The following CTU2 variants were observed in gnomAD, a reference collection of about 807,000 sequenced individuals.
CTU2 encodes cytoplasmic tRNA 2-thiolation protein 2.
A neutral mutation model predicts 64.1 loss-of-function variants in CTU2; 80 were observed. The observed-to-expected ratio is 1.25, with a 90% CI of 1.04 to 1.50. CTU2 has a LOEUF of 1.50. CTU2 is among the 40% of genes most tolerant of loss of function. The pLI is 0.00. For missense variants in CTU2, 1,110 were observed against 690.2 expected (o/e 1.61, Z -6.81); for synonymous variants, 482 against 285.3 (o/e 1.69, Z -6.95).
chr16:88,709,135 C>T (rs1239906812), intron 2 of CTU2: 3 of 152,340 alleles, frequency 2.0e-5, no homozygotes, highest in Non-Finnish European at 2.9e-5. Context: ...ATTAGCTAGG[C>T]ATGGTGGCAT....
chr16:88,710,671 G>A (rs868392656), intron 4 of CTU2: 4 of 225,732 alleles, frequency 1.8e-5, no homozygotes, highest in East Asian at 1.2e-4. Context: ...TCCAGAGTGC[G>A]TGTGTGCGGC....
Position 88,712,365 on chromosome 16 carries a change from T to G in CTU2, c.435T>G (p.His145Gln). The change falls in exon 6 of 15, where the codon CAT becomes CAG. Residue 145 changes from histidine (H) to glutamine (Q), a missense_variant. His to Gln is a conservative substitution (Grantham distance 24). Transcript: ENST00000453996. The stretch of plus-strand genomic sequence containing the variant: ...TGCAAGCAACTGGGTTCCCATGGCA[T>G]GTGGTGGCCTTAGAGGAGGTGGGAG... Reference protein sequence around the residue: ...PILQATGFPWHVVALEEVFSL... With the variant: ...PILQATGFPWQVVALEEVFSL... The G allele has an allele frequency of 2.5e-6, 4 of 1,608,886 alleles. No homozygotes were observed. The highest frequency in any genetic ancestry group is 1.7e-5 in the Admixed American group (1 of 59,378).
intron 1 of CTU2, chr16:88,706,825 C>T (rs1910885370): frequency 3.7e-6 from 2 of 533,468 alleles, no homozygotes; most frequent in Non-Finnish European, 6.7e-6. Context: ...GGCTCTGCCG[C>T]TGACAGTGCT....
chr16:88,714,112 AGCCTCCAATCTGATTGTCCCTAG>A lies in CTU2; in HGVS notation c.1006-20_1008del. Reference sequence around the variant, plus strand: ...GGGGCTGGCCTCTGGGCTTTCCCATAGCCTCCAATCTGATTGTCCCTAGGCCCCTGAAAAGGCCAGCATCCACC... The same window carrying A: ...GGGGCTGGCCTCTGGGCTTTCCCATAGCCCCTGAAAAGGCCAGCATCCACC... On this transcript the variant is annotated splice_acceptor_variant and splice_polypyrimidine_tract_variant and intron_variant, in intron 9 of 14. Coordinates refer to ENST00000453996, the MANE Select transcript of CTU2 (RefSeq NM_001012759.3). LOFTEE classifies it high-confidence loss of function. The A allele has an allele frequency of 1.2e-6, 2 of 1,608,948 alleles. No homozygotes were observed. Among genetic ancestry groups the A allele is most frequent in the Non-Finnish European group, 1.7e-6 (2 of 1,176,762 alleles).
rs535416172 is a variant in CTU2, at chr16:88,713,494, C to A, written c.873+47C>A. On this transcript the variant is annotated intron_variant, in intron 8 of 14. Coordinates refer to ENST00000453996, the MANE Select transcript of CTU2 (RefSeq NM_001012759.3). The stretch of plus-strand genomic sequence containing the variant: ...CAGGAGGCCCATCCTCACCTTCACC[C>A]CTTCGGCCACCTTTACTGGAGAGTA... The A allele has an allele frequency of 3.9e-6, 6 of 1,551,144 alleles. No homozygotes were observed. In the African/African-American group the frequency reaches 6.9e-5, roughly 18 times the overall value.
At chr16:88,710,727 C>A in intron 4 of CTU2, 1 of 173,298 alleles carries the variant, frequency 5.8e-6, no homozygotes, top group Non-Finnish European at 1.2e-5. Flanking sequence ...GAAACACAGT[C>A]AGTGGAAAGC....
chr16:88,707,362 A>G (rs898297329), intron 2 of CTU2, 152 bp downstream of exon 2: 11 of 747,788 alleles, frequency 1.5e-5, no homozygotes, highest in African/African-American at 3.5e-5. Flanking sequence ...CTGGTGTTGA[A>G]GTGGAGGCGA....
At chr16:88,710,067 C>T (rs1226372541) in intron 3 of CTU2, 51 bp downstream of exon 3, 1 of 1,595,128 alleles carries the variant, frequency 6.3e-7, no homozygotes, top group African/African-American at 1.3e-5. Context: ...CCCTCGAGGT[C>T]CCTGCTTGTC....
chr16:88,714,130 C>A lies in CTU2; in HGVS notation c.1006-6C>A, dbSNP rs368211946. ...TTCCCATAGCCTCCAATCTGATTGTCCCTAGGCCCCTGAAAAGGCCAGCAT... is the reference window on the plus strand; with the variant it reads ...TTCCCATAGCCTCCAATCTGATTGTACCTAGGCCCCTGAAAAGGCCAGCAT... On this transcript the variant is annotated splice_polypyrimidine_tract_variant and splice_region_variant and intron_variant, in intron 9 of 14. Transcript: ENST00000453996. 1.5e-5 allele frequency: 24 copies of A among 1,612,256 alleles called. No individual in the cohort carries two copies. The African/African-American group carries it at 2.8e-4, about 19-fold the overall frequency.
chr16:88,715,205 G>A lies in CTU2; in HGVS notation c.1502G>A (p.Arg501Gln), dbSNP rs149908137. The A allele has an allele frequency of 1.8e-5, 29 of 1,612,428 alleles. No homozygotes were observed. The highest frequency in any genetic ancestry group is 2.7e-5 in the African/African-American group (2 of 75,010). Reference protein sequence around the residue: ...TQRAWGLQEIRDCLIEDSDDE... With the variant: ...TQRAWGLQEIQDCLIEDSDDE... ...AGGGCCTGGGGCTTGCAGGAGATCC[G>A]GGACTGTCTGATTGAGGACAGTGAC... The change falls in exon 15 of 15, where the codon CGG (arginine) becomes CAG (glutamine). Residue 501 changes from arginine (R) to glutamine (Q), a missense_variant. Coordinates refer to ENST00000453996, the MANE Select transcript of CTU2 (RefSeq NM_001012759.3).
chr16:88,714,915 A>G lies in CTU2; in HGVS notation c.1408A>G (p.Met470Val), dbSNP rs1219095326. Residue 470 changes from methionine to valine, a missense_variant, in exon 13 of 15, where the codon ATG becomes GTG. Coordinates refer to ENST00000453996, the MANE Select transcript of CTU2 (RefSeq NM_001012759.3). Reference protein sequence around the residue: ...EQLCYSCRVNMKDLPSLDPLP... With the variant: ...EQLCYSCRVNVKDLPSLDPLP... ...GCTGTGCTACAGCTGCCGCGTGAAC[A>G]TGAAGGACTTGGTGAGTACGTGCCC... 6.2e-7 allele frequency: 1 copy of G among 1,612,594 alleles called. No homozygotes were observed. The highest frequency in any genetic ancestry group is 1.1e-5 in the South Asian group (1 of 91,088).
chr16:88,713,685 G>A lies in CTU2; in HGVS notation c.912G>A (p.Val304=). ...SDERHGDVVV[V]RPMRDHTLKE... is the part of the protein sequence containing the mutation. ...AGCGGCACGGGGACGTGGTGGTGGTGCGGCCCATGCGGGACCACACCCTGA... is the reference window on the plus strand; with the variant it reads ...AGCGGCACGGGGACGTGGTGGTGGTACGGCCCATGCGGGACCACACCCTGA... Residue 304 remains valine, a synonymous_variant, in exon 9 of 15, where the codon GTG becomes GTA. Coordinates refer to ENST00000453996, the MANE Select transcript of CTU2 (RefSeq NM_001012759.3). 6.2e-7 allele frequency: 1 copy of A among 1,612,578 alleles called. No individual in the cohort carries two copies. The highest frequency in any genetic ancestry group is 1.7e-5 in the Admixed American group (1 of 60,016).
At chr16:88,709,713 AC>A in intron 2 of CTU2, 1 of 566,350 alleles carries the variant, frequency 1.8e-6, no homozygotes, top group Non-Finnish European at 3.2e-6. Context: ...TGCAGTTTGT[AC>A]CTGGTCGTGG....
intron 1 of CTU2, 57 bp from the exon 2 acceptor site, chr16:88,707,079 A>T: frequency 3.3e-6 from 5 of 1,535,352 alleles, no homozygotes; most frequent in Non-Finnish European, 2.7e-6. Flanking sequence ...AAAGCCCACT[A>T]GGCGTGGGGA....
chr16:88,710,109 C>T (rs781684769), intron 3 of CTU2, 93 bp downstream of exon 3: 297 of 1,565,790 alleles, frequency 1.9e-4, no homozygotes, highest in Non-Finnish European at 2.3e-4. Context: ...TGCTGCAGCC[C>T]GCCAGCTCCT....
chr16:88,714,746 C>T lies in CTU2; in HGVS notation c.1352+9C>T, dbSNP rs1567653622. ...CAGGGGGCCTGCAGGAGGTGAGTCC[C>T]TGTCCCTGCCACCCATGGCCAGCTG... On this transcript the variant is annotated intron_variant, in intron 12 of 14. Coordinates refer to ENST00000453996, the MANE Select transcript of CTU2 (RefSeq NM_001012759.3). The T allele has an allele frequency of 6.2e-7, 1 of 1,605,818 alleles. No individual in the cohort carries two copies. The highest frequency in any genetic ancestry group is 1.1e-5 in the South Asian group (1 of 90,534).
intron 4 of CTU2, chr16:88,710,682 C>T (rs1426219547): frequency 5.0e-6 from 1 of 199,580 alleles, no homozygotes. Context: ...TGTGTGCGGC[C>T]CACTTGACTT....
rs567127103 is a variant in CTU2 at position 88,714,874 on chromosome 16, C to T, written c.1367C>T (p.Ala456Val). 7 of 1,612,656 alleles carry T rather than the reference C, an allele frequency of 4.3e-6. No homozygotes were observed. The South Asian group carries it at 7.7e-5, about 18-fold the overall frequency. ...QGACRREDPQ[A>V]CIEEQLCYSC... is the part of the protein sequence containing the mutation. ...TGCTCCCGCAGGGAGGACCCCCAAG[C>T]CTGCATTGAGGAGCAGCTGTGCTAC... The change falls in exon 13 of 15, where the codon GCC (alanine) becomes GTC (valine). Residue 456 changes from alanine to valine, a missense_variant. Physicochemically the swap from Ala to Val is moderately conservative, Grantham distance 64. Coordinates refer to ENST00000453996, the MANE Select transcript of CTU2 (RefSeq NM_001012759.3).
At position 88,711,655 on chromosome 16, in the gene CTU2, C is replaced by G. The variant is rs1210256787; in HGVS notation, c.303C>G (p.Ala101=). The G allele has an allele frequency of 2.5e-6, 4 of 1,607,658 alleles. No homozygotes were observed. Among genetic ancestry groups the G allele is most frequent in the Admixed American group, 1.7e-5 (1 of 59,728 alleles). The change falls in exon 5 of 15, where the codon GCC becomes GCG. Residue 101 remains alanine (A), a synonymous_variant. Coordinates refer to ENST00000453996, the MANE Select transcript of CTU2 (RefSeq NM_001012759.3). ...QVLEGLSQDS[A]KRLRFVAGVI... ...TCTAGGGCCTGAGCCAAGATTCTGC[C>G]AAAAGACTGCGCTTTGTGGCAGGAG... is the stretch of plus-strand genomic sequence containing the variant.
Sources: gnomAD v4.1 joint callset for allele counts on GRCh38, gnomAD v4.1.1 for gene constraint, MANE v1.5 for transcripts, NCBI Gene and HGNC (gene_info 2026-07-23, HGNC 2026-07-21) for gene names.